Variants in ANK2 observed in about 807,000 individuals in gnomAD.
ANK2 encodes ankyrin-2.
Under a neutral mutation model 360.5 loss-of-function variants are expected in ANK2, and 83 were observed. That is an observed-to-expected ratio of 0.23 (90% CI 0.19 to 0.28). The LOEUF (loss-of-function observed/expected upper bound fraction) is 0.28, where lower values mean the gene tolerates loss of function less well. ANK2 is among the 10% of genes least tolerant of loss of function. The probability of loss-of-function intolerance (pLI) is 1.00; values close to 1 mark genes in which losing one functional copy is unlikely to be tolerated. For missense variants in ANK2, 4,201 were observed against 4,795.7 expected (o/e 0.88, Z 3.66); for synonymous variants, 1,740 against 1,759.5 (o/e 0.99, Z 0.28).
intron 26 of ANK2, among the ~76,000 whole-genome samples, chr4:113,326,585 T>C (rs946799492): frequency 6.9e-6 from 1 of 145,340 alleles, no homozygotes; most frequent in African/African-American, 2.8e-5. Context: ...TCTGTTTTAC[T>C]TTCTTCTCTC....
chr4:113,107,289 T>A (rs1392774616), intron 1 of ANK2, among the ~76,000 whole-genome samples: 1 of 152,172 alleles, frequency 6.6e-6, no homozygotes, highest in Non-Finnish European at 1.5e-5. Context: ...TGATAACGGC[T>A]CACTGCAACC....
chr4:112,810,137 ATATATATATATATATATATATATTTT>A, the ANK2 span, among the ~76,000 whole-genome samples: 2 of 32,798 alleles, frequency 6.1e-5, no homozygotes, highest in Non-Finnish European at 1.2e-4. Context: ...ATATATATAT[ATATATATATATATATATATATATTTT>A]TTTTTTTTTT....
intron 1 of ANK2, among the ~76,000 whole-genome samples, chr4:112,853,424 C>G (rs1463498629): frequency 6.6e-6 from 1 of 151,814 alleles, no homozygotes; most frequent in Non-Finnish European, 1.5e-5. Flanking sequence ...TTGTCTTGAG[C>G]TTTTGGGCTC....
At chr4:113,250,194 T>G (rs1381770691) in intron 10 of ANK2, among the ~76,000 whole-genome samples, 6 of 152,234 alleles carry the variant, frequency 3.9e-5, no homozygotes, top group Non-Finnish European at 8.8e-5. Flanking sequence ...TTCTCTCAGA[T>G]GACTATGAAA....
chr4:112,763,549 C>A, the ANK2 span, among the ~76,000 whole-genome samples: 1 of 123,602 alleles, frequency 8.1e-6, no homozygotes, highest in Non-Finnish European at 1.7e-5. Context: ...TTTCTTTTCC[C>A]CTAGTCGGAG....
chr4:112,768,516 A>C, the ANK2 span, among the ~76,000 whole-genome samples: 257 of 151,990 alleles, frequency 1.7e-3, 2 homozygotes, highest in African/African-American at 5.8e-3. Flanking sequence ...GGCCTCCCAA[A>C]ATGGTAGGAC....
chr4:113,138,491 G>A (rs2096525333), intron 1 of ANK2, among the ~76,000 whole-genome samples: 1 of 152,070 alleles, frequency 6.6e-6, no homozygotes, highest in Admixed American at 6.6e-5. Flanking sequence ...ACTCATATAT[G>A]CTCTAGTTGA....
At chr4:112,826,450 C>A in intron 1 of ANK2, 1 of 1,060,214 alleles carries the variant, frequency 9.4e-7, no homozygotes, top group South Asian at 1.4e-5. Flanking sequence ...TCTTCAGGTG[C>A]AGCTATTTGT....
intron 1 of ANK2, among the ~76,000 whole-genome samples, chr4:113,067,001 G>A (rs911503077): frequency 1.3e-5 from 2 of 151,978 alleles, no homozygotes; most frequent in African/African-American, 4.8e-5. Context: ...TGAAAAACAA[G>A]CAGGACAGGT....
chr4:113,070,596 T>C (rs1004421784), intron 1 of ANK2, among the ~76,000 whole-genome samples: 1 of 152,164 alleles, frequency 6.6e-6, no homozygotes. Flanking sequence ...AGACAGCCTA[T>C]CAGTTTGCCC....
At chr4:113,217,654 A>C (rs1191598694) in intron 4 of ANK2, among the ~76,000 whole-genome samples, 1 of 152,072 alleles carries the variant, frequency 6.6e-6, no homozygotes, top group Non-Finnish European at 1.5e-5. Flanking sequence ...GTGAGAATCT[A>C]ATGCCATCTC....
intron 15 of ANK2, among the ~76,000 whole-genome samples, chr4:113,275,472 C>T (rs796492860): frequency 2.6e-4 from 40 of 152,266 alleles, no homozygotes; most frequent in African/African-American, 8.9e-4. Flanking sequence ...AATTTCAATT[C>T]TCTCATAATC....
intron 2 of ANK2, among the ~76,000 whole-genome samples, chr4:113,001,331 CA>C (rs11310852): frequency 0.56 from 46,928 of 84,442 alleles, 10,038 homozygotes; most frequent in Non-Finnish European, 0.6. Context: ...AACTCTGTCT[CA>C]AAAAAAAAAA....
At chr4:112,959,850 T>C (rs956927006) in intron 2 of ANK2, among the ~76,000 whole-genome samples, 2 of 152,164 alleles carry the variant, frequency 1.3e-5, no homozygotes, top group African/African-American at 4.8e-5. Context: ...TATTTTTTTG[T>C]CAGCCAAATT....
At position 113,186,474 on chromosome 4, in the gene ANK2, A is replaced by T. The variant is rs372854632; in HGVS notation, c.187-9894A>T. ...CCAGGGCAAAAAGGCTGAAAAAAAG[A>T]TTCTAAACAGTTTTTTCTTCCCTCT... On this transcript the variant is annotated intron_variant, in intron 2 of 45. Coordinates refer to ENST00000357077, the MANE Select transcript of ANK2 (RefSeq NM_001148.6). Among the ~76,000 whole-genome samples, 19 of 152,212 alleles carry T rather than the reference A, an allele frequency of 1.2e-4. No individual in the cohort carries two copies. In the East Asian group the frequency reaches 2.1e-3, roughly 17 times the overall value.
At chr4:112,943,703 T>C (rs2094383805) in intron 2 of ANK2, among the ~76,000 whole-genome samples, 1 of 152,106 alleles carries the variant, frequency 6.6e-6, no homozygotes, top group African/African-American at 2.4e-5. Context: ...AAGATGACAA[T>C]GTCAAGATTA....
At chr4:113,183,526 A>G (rs1340937947) in intron 2 of ANK2, among the ~76,000 whole-genome samples, 1 of 152,198 alleles carries the variant, frequency 6.6e-6, no homozygotes, top group Non-Finnish European at 1.5e-5. Context: ...TAAAATAACG[A>G]TAAAGACTAT....
chr4:113,277,373 T>A (rs561557663), intron 15 of ANK2, among the ~76,000 whole-genome samples: 7 of 152,232 alleles, frequency 4.6e-5, no homozygotes, highest in Admixed American at 4.6e-4. Flanking sequence ...CACGAATACT[T>A]GTTTTTACTA....
intron 2 of ANK2, among the ~76,000 whole-genome samples, chr4:113,022,055 A>G (rs1159990751): frequency 1.3e-5 from 2 of 152,030 alleles, no homozygotes; most frequent in East Asian, 3.9e-4. Context: ...AAATTTGGGG[A>G]TTCTTTGGTG....
Sources: allele counts gnomAD v4.1 joint callset (sites outside exome capture counted in the v4.1 genomes callset), GRCh38; gene constraint gnomAD v4.1.1; transcripts MANE v1.5; gene names NCBI Gene and HGNC (gene_info 2026-07-23, HGNC 2026-07-21).